APLF: variants seen among roughly 807,000 people sequenced by gnomAD.
APLF encodes aprataxin and PNK-like factor.
APLF carries 61 observed loss-of-function variants against 55.6 expected under a neutral mutation model. The observed-to-expected ratio is 1.10, with a 90% CI of 0.89 to 1.36. The LOEUF (loss-of-function observed/expected upper bound fraction) is 1.36, where lower values mean the gene tolerates loss of function less well. Among genes scored for constraint, APLF ranks in the 40% most tolerant of loss-of-function variants. The probability of loss-of-function intolerance (pLI) is 0.00; values close to 1 mark genes in which losing one functional copy is unlikely to be tolerated. For synonymous variants in APLF, 207 were observed against 214.8 expected, an observed-to-expected ratio of 0.96 and a Z score of 0.32; for missense variants, 611 against 602.5, an observed-to-expected ratio of 1.01 and a Z score of -0.15.
intron 2 of APLF, among the ~76,000 whole-genome samples, chr2:68,493,629 A>T (rs1406443024): frequency 6.6e-6 from 1 of 152,216 alleles, no homozygotes; most frequent in Non-Finnish European, 1.5e-5. Flanking sequence ...CCATTCATGC[A>T]TTGACATAAA....
intron 9 of APLF, 120 bp from the exon 10 acceptor site, chr2:68,577,700 G>T (rs945437710): frequency 8.4e-7 from 1 of 1,192,694 alleles, no homozygotes; most frequent in Non-Finnish European, 1.2e-6. Flanking sequence ...ATTTGTAGTG[G>T]TAAGCTATGC....
intron 8 of APLF, among the ~76,000 whole-genome samples, chr2:68,564,795 C>T (rs1671255005): frequency 6.6e-6 from 1 of 151,940 alleles, no homozygotes; most frequent in Non-Finnish European, 1.5e-5. Flanking sequence ...ATGTTTACTT[C>T]GTTTGAGAGT....
At chr2:68,543,114 T>G (rs925313876) in intron 7 of APLF, among the ~76,000 whole-genome samples, 1 of 152,042 alleles carries the variant, frequency 6.6e-6, no homozygotes, top group African/African-American at 2.4e-5. Context: ...AAAAACAAAT[T>G]AGAATGGCAG....
chr2:68,469,422 C>T (rs760563413), intron 1 of APLF, among the ~76,000 whole-genome samples: 11 of 152,038 alleles, frequency 7.2e-5, no homozygotes, highest in Non-Finnish European at 1.2e-4. Flanking sequence ...TTTGTGTTGT[C>T]GACTTGCTAA....
At chr2:68,496,366 A>T (rs1035291774) in intron 2 of APLF, among the ~76,000 whole-genome samples, 3 of 152,112 alleles carry the variant, frequency 2.0e-5, no homozygotes, top group Non-Finnish European at 2.9e-5. Context: ...CAGCCTCCCA[A>T]AGTACTGGGA....
rs1238554476 is a variant in APLF at position 68,467,626 on chromosome 2, C to G, written c.-106C>G. On this transcript the variant is annotated 5_prime_UTR_variant, in exon 1 of 10. Transcript: ENST00000303795. ...CCGCGGGGAGCCTTTGAGGCCCTCC[C>G]TCGGTGTTTTTTCCCAGGGCGTGGG... The G allele has an allele frequency of 2.1e-6, 2 of 961,744 alleles. No individual in the cohort carries two copies. The highest frequency in any genetic ancestry group is 1.1e-4 in the South Asian group (2 of 18,858). The allele number at this position is 961,744 out of a possible 1,614,324, so 59.6% of individuals were successfully genotyped here.
At chr2:68,500,473 T>C (rs1435754846) in intron 2 of APLF, among the ~76,000 whole-genome samples, 2 of 152,180 alleles carry the variant, frequency 1.3e-5, no homozygotes, top group African/African-American at 4.8e-5. Context: ...TGTAAAGAAA[T>C]GTAGTTTCCT....
intron 2 of APLF, among the ~76,000 whole-genome samples, chr2:68,501,108 G>A (rs1449489073): frequency 6.6e-6 from 1 of 152,112 alleles, no homozygotes; most frequent in Non-Finnish European, 1.5e-5. Flanking sequence ...GACCAAATTT[G>A]TGTCATCTCT....
intron 1 of APLF, among the ~76,000 whole-genome samples, chr2:68,476,290 A>T (rs972184423): frequency 7.2e-5 from 11 of 152,036 alleles, no homozygotes; most frequent in Non-Finnish European, 1.5e-4. Flanking sequence ...GTTTGAGACC[A>T]GCCTGATCAA....
Position 68,527,330 on chromosome 2 carries a change from C to T in APLF, c.804+1088C>T, listed in dbSNP as rs184022738. ...GCAGAGGCGCTCCTCATTTCCCAGACGGTGAGGAGGCGGGGCAGAGGCACT... is the reference window on the plus strand; with the variant it reads ...GCAGAGGCGCTCCTCATTTCCCAGATGGTGAGGAGGCGGGGCAGAGGCACT... On this transcript the variant is annotated intron_variant, in intron 6 of 9. Transcript: ENST00000303795. 1.5e-4 allele frequency among the ~76,000 whole-genome samples: 22 copies of T among 149,694 alleles called. No individual in the cohort carries two copies. In the East Asian group the frequency reaches 3.6e-3, roughly 25 times the overall value.
chr2:68,492,322 C>CA lies in APLF; in HGVS notation c.168+2067dup, dbSNP rs1030486266. ...TGAAACGCCGTCTCTACTAAAAATA[C>CA]AAAAAATTAGCCGGGCACGGTGGTG... On this transcript the variant is annotated intron_variant, in intron 2 of 9. Transcript: ENST00000303795. 8.5e-4 allele frequency among the ~76,000 whole-genome samples: 129 copies of CA among 151,958 alleles called. 1 individual carries two copies. Among genetic ancestry groups the CA allele is most frequent in the South Asian group, 8.3e-3 (40 of 4,814 alleles).
At chr2:68,575,481 C>CT (rs1012149381) in intron 9 of APLF, among the ~76,000 whole-genome samples, 30 of 151,920 alleles carry the variant, frequency 2.0e-4, no homozygotes, top group Admixed American at 6.6e-4. Context: ...GGTTTTCTGA[C>CT]TTTTTTTTGT....
At chr2:68,568,277 A>G (rs1304475881) in intron 9 of APLF, 1 of 985,264 alleles carries the variant, frequency 1.0e-6, no homozygotes, top group East Asian at 1.1e-4. Context: ...CAGAATGAGA[A>G]AATAAAATGC....
intron 3 of APLF, among the ~76,000 whole-genome samples, chr2:68,510,481 C>T (rs1295321397): frequency 1.3e-5 from 2 of 151,770 alleles, no homozygotes; most frequent in African/African-American, 4.8e-5. Context: ...CAATGAGATA[C>T]CACTTTACAT....
chr2:68,578,102 A>T lies in APLF; in HGVS notation c.*80A>T, dbSNP rs1169854505. The T allele has an allele frequency of 6.7e-7, 1 of 1,494,114 alleles. No homozygotes were observed. Among genetic ancestry groups the T allele is most frequent in the African/African-American group, 1.4e-5 (1 of 70,932 alleles). The allele number at this position is 1,494,114 out of a possible 1,614,324, so 92.6% of individuals were successfully genotyped here. ...ACATTTATGAACTAAGGAGGTACTT[A>T]AGTGACAGTTATTTTCCTTCTTTTG... is the stretch of plus-strand genomic sequence containing the variant. On this transcript the variant is annotated 3_prime_UTR_variant, in exon 10 of 10. Transcript: ENST00000303795.
At chr2:68,544,666 T>C (rs1670650467) in intron 7 of APLF, among the ~76,000 whole-genome samples, 1 of 152,144 alleles carries the variant, frequency 6.6e-6, no homozygotes, top group South Asian at 2.1e-4. Flanking sequence ...TTTTTTTTAG[T>C]GTAAGAGTCT....
chr2:68,563,268 A>C, intron 8 of APLF: 4 of 985,132 alleles, frequency 4.1e-6, no homozygotes, highest in Non-Finnish European at 4.8e-6. Flanking sequence ...ACATGTACCT[A>C]ACATTTTTTC....
intron 8 of APLF, among the ~76,000 whole-genome samples, chr2:68,566,978 A>G (rs867986514): frequency 3.3e-5 from 5 of 152,188 alleles, no homozygotes; most frequent in Middle Eastern, 3.4e-3. Flanking sequence ...TACTTAATAC[A>G]TATTTGATAT....
At chr2:68,510,397 G>A (rs1004589770) in intron 3 of APLF, among the ~76,000 whole-genome samples, 7 of 151,604 alleles carry the variant, frequency 4.6e-5, no homozygotes, top group African/African-American at 1.7e-4. Flanking sequence ...TTCCAAAGAA[G>A]GTGTACAGGT....
Sources: gnomAD v4.1 joint callset for allele counts (sites outside exome capture counted in the v4.1 genomes callset) on GRCh38, gnomAD v4.1.1 for gene constraint, MANE v1.5 for transcripts, NCBI Gene and HGNC (gene_info 2026-07-23, HGNC 2026-07-21) for gene names.